SIRT1: variants seen among roughly 807,000 people sequenced by gnomAD.
The protein encoded by SIRT1 is sirtuin 1.
SIRT1 carries 24 observed loss-of-function variants against 67.9 expected under a neutral mutation model. The observed-to-expected ratio is 0.35, with a 90% CI of 0.26 to 0.50. The LOEUF (loss-of-function observed/expected upper bound fraction) is 0.50, where lower values mean the gene tolerates loss of function less well. Among genes scored for constraint, SIRT1 ranks in the 20% least tolerant of loss-of-function variants. The probability of loss-of-function intolerance (pLI) is 0.98; values close to 1 mark genes in which losing one functional copy is unlikely to be tolerated. For synonymous variants in SIRT1, 378 were observed against 350.7 expected (o/e 1.08, Z -0.87); for missense variants, 873 against 937.2 (o/e 0.93, Z 0.89).
At chr10:67,896,031 G>A (rs957364776) in intron 4 of SIRT1, among the ~76,000 whole-genome samples, 2 of 151,996 alleles carry the variant, frequency 1.3e-5, no homozygotes, top group East Asian at 1.9e-4. Context: ...AGTCTCCCAC[G>A]CCCAGCCCTT....
intron 1 of SIRT1, among the ~76,000 whole-genome samples, chr10:67,887,101 A>G (rs555559614): frequency 6.7e-6 from 1 of 150,290 alleles, no homozygotes; most frequent in African/African-American, 2.4e-5. Flanking sequence ...CGAATTCTCA[A>G]CCTCAGGTGA....
intron 4 of SIRT1, among the ~76,000 whole-genome samples, chr10:67,895,220 G>T (rs144430697): frequency 0.097 from 14,726 of 152,122 alleles, 910 homozygotes; most frequent in Middle Eastern, 0.18. Flanking sequence ...AGGAGTTCAA[G>T]ACCAGCCTGG....
intron 4 of SIRT1, among the ~76,000 whole-genome samples, chr10:67,901,261 T>C (rs1298276333): frequency 6.6e-6 from 1 of 152,110 alleles, no homozygotes; most frequent in Non-Finnish European, 1.5e-5. Flanking sequence ...GCCTCCTGAC[T>C]AGCTGTGACC....
rs2029947033 is a variant in SIRT1 at position 67,917,093 on chromosome 10, T to G, written c.*500T>G. On this transcript the variant is annotated 3_prime_UTR_variant, in exon 9 of 9. Coordinates refer to ENST00000212015, the MANE Select transcript of SIRT1 (RefSeq NM_012238.5). ...AACTTTTGATTCTTTAACACAATTA[T>G]TTTTAAACACTGGCATTTTCCAAAA... is the stretch of plus-strand genomic sequence containing the variant. 2 of 152,684 alleles carry G rather than the reference T, an allele frequency of 1.3e-5. No individual in the cohort carries two copies. Among genetic ancestry groups the G allele is most frequent in the Admixed American group, 1.3e-4 (2 of 15,284 alleles). The allele number at this position is 152,684 out of a possible 1,614,324, so 9.5% of individuals were successfully genotyped here. A position where few individuals can be genotyped will look rare whatever the true frequency, so the allele number is the denominator to read the frequency against.
chr10:67,904,753 A>T (rs1480597390), intron 4 of SIRT1, among the ~76,000 whole-genome samples: 1 of 152,006 alleles, frequency 6.6e-6, no homozygotes, highest in Non-Finnish European at 1.5e-5. Context: ...CTGAGGCAGG[A>T]GAATCACTTG....
At chr10:67,900,016 G>A (rs978621098) in intron 4 of SIRT1, among the ~76,000 whole-genome samples, 3 of 151,990 alleles carry the variant, frequency 2.0e-5, no homozygotes, top group Non-Finnish European at 4.4e-5. Flanking sequence ...CTCGGGAGGC[G>A]GAGATTGCAG....
chr10:67,902,160 T>C (rs1252485321), intron 4 of SIRT1, among the ~76,000 whole-genome samples: 1 of 152,148 alleles, frequency 6.6e-6, no homozygotes, highest in Non-Finnish European at 1.5e-5. Context: ...GGCTAGTTAT[T>C]GTATTTTTAG....
chr10:67,897,048 CG>C (rs1477502485), intron 4 of SIRT1, among the ~76,000 whole-genome samples: 1 of 151,408 alleles, frequency 6.6e-6, no homozygotes, highest in African/African-American at 2.4e-5. Context: ...TCCAGCTACT[CG>C]GGAGGCTGAG....
rs149206117 is a variant in SIRT1 at position 67,909,316 on chromosome 10, A to G, written c.1231A>G (p.Ile411Val). Residue 411 changes from isoleucine (I) to valine (V), a missense_variant, in exon 7 of 9, where the codon ATT (isoleucine) becomes GTT (valine). This residue lies in a region of SIRT1 where 251 missense variants were observed against 358.8 expected (regional missense o/e 0.70). Coordinates refer to ENST00000212015, the MANE Select transcript of SIRT1 (RefSeq NM_012238.5). ...DEPLAIMKPE[I>V]VFFGENLPEQ... ...ACCGCTTGCTATCATGAAACCAGAG[A>G]TTGTGTTTTTTGGTGAAAATTTACC... is the stretch of plus-strand genomic sequence containing the variant. 1.9e-6 allele frequency: 3 copies of G among 1,613,348 alleles called. No homozygotes were observed. The highest frequency in any genetic ancestry group is 2.5e-6 in the Non-Finnish European group (3 of 1,179,834).
At chr10:67,906,237 A>T in intron 4 of SIRT1, 1 of 1,572,578 alleles carries the variant, frequency 6.4e-7, no homozygotes, top group Non-Finnish European at 8.6e-7. Context: ...TTCATGAGCA[A>T]CTCTATACTA....
chr10:67,904,727 C>T (rs1283800926), intron 4 of SIRT1, among the ~76,000 whole-genome samples: 1 of 151,908 alleles, frequency 6.6e-6, no homozygotes, highest in South Asian at 2.1e-4. Flanking sequence ...GCCTGTAATC[C>T]CAGCTATTCA....
chr10:67,914,741 CTT>C (rs2029870212), intron 8 of SIRT1, among the ~76,000 whole-genome samples: 1 of 151,902 alleles, frequency 6.6e-6, no homozygotes. Flanking sequence ...GAGTTTTGCT[CTT>C]GTTGTCCAGG....
chr10:67,905,438 A>G (rs998851367), intron 4 of SIRT1, among the ~76,000 whole-genome samples: 37 of 152,244 alleles, frequency 2.4e-4, no homozygotes, highest in African/African-American at 8.4e-4. Flanking sequence ...ATCTAAGGCA[A>G]CGTTTTTGGA....
chr10:67,891,048 A>C (rs985874890), intron 3 of SIRT1, among the ~76,000 whole-genome samples: 3 of 149,644 alleles, frequency 2.0e-5, no homozygotes, highest in Non-Finnish European at 4.5e-5. Context: ...AAAAAACAAA[A>C]AAAAAAAGAA....
chr10:67,903,560 G>T (rs35871298), intron 4 of SIRT1, among the ~76,000 whole-genome samples: 14,227 of 151,630 alleles, frequency 0.094, 876 homozygotes, highest in Middle Eastern at 0.18. Context: ...ATTTTTTTTT[G>T]TATTTTTTAG....
In SIRT1 at chr10:67,884,809, G is replaced by C; in HGVS notation, c.88G>C (p.Gly30Arg). 4.3e-6 allele frequency: 5 copies of C among 1,171,238 alleles called. No homozygotes were observed. Among genetic ancestry groups the C allele is most frequent in the Non-Finnish European group, 5.3e-6 (5 of 952,090 alleles). 72.6% of individuals were successfully genotyped at this position (1,171,238 alleles called of 1,614,324 possible). Residue 30 changes from glycine (G) to arginine (R), a missense_variant, in exon 1 of 9, where the codon GGG becomes CGG. Gly to Arg is a moderately radical substitution (Grantham distance 125). Coordinates refer to ENST00000212015, the MANE Select transcript of SIRT1 (RefSeq NM_012238.5). The part of the protein sequence containing the change: ...ADREAASSPA[G>R]EPLRKRPRRD... ...CAGGGAGGCCGCGTCGTCCCCCGCCGGGGAGCCGCTCCGCAAGAGGCCGCG... is the reference window on the plus strand; with the variant it reads ...CAGGGAGGCCGCGTCGTCCCCCGCCCGGGAGCCGCTCCGCAAGAGGCCGCG...
In SIRT1 at chr10:67,916,520, A is replaced by C. The variant is rs1195962687; in HGVS notation, c.2171A>C (p.Gln724Pro). 2 of 1,614,066 alleles carry C rather than the reference A, an allele frequency of 1.2e-6. No individual in the cohort carries two copies. ...GGATTTGGGACTGATGGAGATGATC[A>C]AGAGGCAATTAATGAAGCTATATCT... is the stretch of plus-strand genomic sequence containing the variant. ...GAGFGTDGDD[Q>P]EAINEAISVK... The change falls in exon 9 of 9, where the codon CAA becomes CCA. Residue 724 changes from glutamine (Q) to proline (P), a missense_variant. By Grantham distance (76) the Gln-to-Pro change is moderately conservative. This residue lies in a region of SIRT1 where 295 missense variants were observed against 294.5 expected (regional missense o/e 1.00). Transcript: ENST00000212015.
intron 1 of SIRT1, 149 bp from the exon 2 acceptor site, chr10:67,887,268 A>G (rs1842498037): frequency 4.0e-6 from 2 of 495,444 alleles, no homozygotes; most frequent in Non-Finnish European, 7.4e-6. Context: ...GTTCCAATGA[A>G]CAGTGCAAGC....
Position 67,885,455 on chromosome 10 carries a change from T to A in SIRT1, c.430+304T>A, listed in dbSNP as rs894409080. ...AAGTTTCTCTCCCCCTCTTACTCTT[T>A]TAGCATATTGCTTTTGTTAGAGCTT... On this transcript the variant is annotated intron_variant, in intron 1 of 8. Coordinates refer to ENST00000212015, the MANE Select transcript of SIRT1 (RefSeq NM_012238.5). 4.4e-6 allele frequency: 5 copies of A among 1,149,014 alleles called. No homozygotes were observed. In the African/African-American group the frequency reaches 8.0e-5, roughly 18 times the overall value. The allele number at this position is 1,149,014 out of a possible 1,614,324, so 71.2% of individuals were successfully genotyped here. A position where few individuals can be genotyped will look rare whatever the true frequency, so the allele number is the denominator to read the frequency against.
Sources: gnomAD v4.1 joint callset for allele counts (sites outside exome capture counted in the v4.1 genomes callset) on GRCh38, gnomAD v4.1.1 for gene constraint, gnomAD v4.1.1 regional missense constraint, MANE v1.5 for transcripts, NCBI Gene and HGNC (gene_info 2026-07-23, HGNC 2026-07-21) for gene names.